SEMA6D: variants seen among roughly 807,000 people sequenced by gnomAD.
SEMA6D encodes the protein semaphorin-6D.
A neutral mutation model predicts 106.6 loss-of-function variants in SEMA6D; 35 were observed. The ratio of observed to expected loss-of-function variants is 0.33; its 90% CI spans 0.25 to 0.44. The LOEUF (loss-of-function observed/expected upper bound fraction) is 0.44. Among genes scored for constraint, SEMA6D ranks in the 20% least tolerant of loss-of-function variants. The probability of loss-of-function intolerance (pLI) is 1.00; values close to 1 mark genes in which losing one functional copy is unlikely to be tolerated. For missense variants in SEMA6D, 1,185 were observed against 1,345.9 expected (o/e 0.88, Z 1.87); for synonymous variants, 499 against 487.7 (o/e 1.02, Z -0.31).
chr15:47,309,752 G>A lies in SEMA6D; in HGVS notation c.-238-102641G>A, dbSNP rs188380724. On this transcript the variant is annotated intron_variant, in intron 1 of 19. Transcript: ENST00000558014. Reference sequence around the variant, plus strand: ...CAGAACACTTATATTAGCCTACAGCGGGCAAACTCATCTAACACAAAGTCT... The same window carrying A: ...CAGAACACTTATATTAGCCTACAGCAGGCAAACTCATCTAACACAAAGTCT... 7.9e-5 allele frequency among the ~76,000 whole-genome samples: 12 copies of A among 152,172 alleles called. No individual in the cohort carries two copies. The East Asian group carries it at 2.1e-3, about 27-fold the overall frequency.
chr15:47,455,080 A>C (rs1038418580), intron 2 of SEMA6D, among the ~76,000 whole-genome samples: 1 of 151,750 alleles, frequency 6.6e-6, no homozygotes, highest in Non-Finnish European at 1.5e-5. Context: ...GTTAGCTATT[A>C]TTATTATTAT....
intron 1 of SEMA6D, among the ~76,000 whole-genome samples, chr15:47,189,141 A>G (rs1893778306): frequency 6.6e-6 from 1 of 152,062 alleles, no homozygotes; most frequent in Non-Finnish European, 1.5e-5. Context: ...AAACTCCCAT[A>G]CACTTCTCTT....
chr15:47,407,847 G>T (rs551057598), intron 1 of SEMA6D, among the ~76,000 whole-genome samples: 6 of 152,208 alleles, frequency 3.9e-5, no homozygotes, highest in Non-Finnish European at 8.8e-5. Flanking sequence ...GCTTGCAGAT[G>T]CTGCTGTCAG....
chr15:47,592,453 G>C (rs1386394597), intron 3 of SEMA6D, among the ~76,000 whole-genome samples: 2 of 152,154 alleles, frequency 1.3e-5, no homozygotes, highest in Non-Finnish European at 2.9e-5. Context: ...ATTTTGCTGT[G>C]ATTGATTGGC....
chr15:47,618,369 G>T (rs1349467753), intron 4 of SEMA6D, among the ~76,000 whole-genome samples: 1 of 152,230 alleles, frequency 6.6e-6, no homozygotes, highest in Non-Finnish European at 1.5e-5. Flanking sequence ...GCCCTGGAAA[G>T]CAAAGGAGGC....
intron 3 of SEMA6D, among the ~76,000 whole-genome samples, chr15:47,492,513 A>C (rs542804462): frequency 1.3e-5 from 2 of 152,306 alleles, no homozygotes; most frequent in Admixed American, 1.3e-4. Context: ...TATTTATTAC[A>C]CAGCACTGCC....
chr15:47,203,135 A>G (rs1236050142), intron 1 of SEMA6D, among the ~76,000 whole-genome samples: 1 of 152,088 alleles, frequency 6.6e-6, no homozygotes, highest in African/African-American at 2.4e-5. Context: ...ACCTTTCACT[A>G]TTAAAAGTTT....
At chr15:47,721,784 A>G (rs1425277117) in intron 1 of SEMA6D, among the ~76,000 whole-genome samples, 1 of 152,144 alleles carries the variant, frequency 6.6e-6, no homozygotes, top group Non-Finnish European at 1.5e-5. Context: ...TTCCTTTTCT[A>G]TTAAGCTTTT....
At chr15:47,347,753 CAA>C (rs1017472530) in intron 1 of SEMA6D, among the ~76,000 whole-genome samples, 7 of 152,130 alleles carry the variant, frequency 4.6e-5, no homozygotes, top group African/African-American at 1.7e-4. Flanking sequence ...CATTGGAAAA[CAA>C]GTGGTCCCAG....
At chr15:47,730,127 T>G in intron 1 of SEMA6D, 3 of 1,062,668 alleles carry the variant, frequency 2.8e-6, no homozygotes, top group Non-Finnish European at 4.3e-6. Context: ...TACAGAAAAC[T>G]CAACAGTGTA....
At chr15:47,467,764 C>T (rs281321) in intron 2 of SEMA6D, among the ~76,000 whole-genome samples, 7,366 of 151,910 alleles carry the variant, frequency 0.048, 617 homozygotes, top group African/African-American at 0.17. Context: ...TTATCACTGT[C>T]GTAATTATTT....
intron 3 of SEMA6D, among the ~76,000 whole-genome samples, chr15:47,538,963 A>T (rs1040737569): frequency 6.6e-6 from 1 of 152,210 alleles, no homozygotes; most frequent in African/African-American, 2.4e-5. Context: ...CTTAGAGCTC[A>T]TGGGATAAGA....
rs1001733193 is a variant in SEMA6D, at chr15:47,249,262, C to G, written c.-239+64844C>G. ...CAAACAAACAAATAAACAAACAAAA[C>G]CAGTGGACTAGCTGTGCTCTAGGAC... On this transcript the variant is annotated intron_variant, in intron 1 of 19. Transcript: ENST00000558014. 2.6e-5 allele frequency among the ~76,000 whole-genome samples: 4 copies of G among 151,902 alleles called. No homozygotes were observed. In the East Asian group the frequency reaches 5.8e-4, roughly 22 times the overall value.
intron 3 of SEMA6D, among the ~76,000 whole-genome samples, chr15:47,540,471 C>T (rs1445777110): frequency 1.3e-5 from 2 of 151,932 alleles, no homozygotes; most frequent in Non-Finnish European, 2.9e-5. Context: ...TTTATTCAGT[C>T]ATAAATTGAG....
intron 1 of SEMA6D, among the ~76,000 whole-genome samples, chr15:47,263,110 G>A (rs966208934): frequency 4.6e-5 from 7 of 152,012 alleles, no homozygotes; most frequent in Non-Finnish European, 1.0e-4. Flanking sequence ...GATAACCTAG[G>A]CAATACCATT....
chr15:47,660,305 T>C (rs2077891431), intron 4 of SEMA6D, among the ~76,000 whole-genome samples: 1 of 152,132 alleles, frequency 6.6e-6, no homozygotes, highest in South Asian at 2.1e-4. Flanking sequence ...CTGGGAATAA[T>C]CTAAATGTGT....
Position 47,470,938 on chromosome 15 carries a change from A to G in SEMA6D, c.-87+393A>G, listed in dbSNP as rs186623814. 2.7e-3 allele frequency among the ~76,000 whole-genome samples: 411 copies of G among 152,304 alleles called. 1 individual carries two copies. Among genetic ancestry groups the G allele is most frequent in the African/African-American group, 6.9e-3 (287 of 41,574 alleles). The stretch of plus-strand genomic sequence containing the variant: ...GTGGGGTGTTCCCAAATTTTATTCA[A>G]TGTAAAGTGTGTTCTTTTCATAACC... On this transcript the variant is annotated intron_variant, in intron 3 of 19. Transcript: ENST00000558014.
intron 1 of SEMA6D, among the ~76,000 whole-genome samples, chr15:47,325,870 T>C (rs1251504219): frequency 1.3e-5 from 2 of 152,156 alleles, no homozygotes; most frequent in African/African-American, 4.8e-5. Flanking sequence ...TAAATGCTCA[T>C]AAGAGATATA....
At chr15:47,272,255 TTAC>T (rs1323166516) in intron 1 of SEMA6D, among the ~76,000 whole-genome samples, 1 of 152,208 alleles carries the variant, frequency 6.6e-6, no homozygotes, top group Non-Finnish European at 1.5e-5. Context: ...CCAAGGCAAC[TTAC>T]TACTAAGTAC....
Sources: allele counts gnomAD v4.1 joint callset (sites outside exome capture counted in the v4.1 genomes callset), GRCh38; gene constraint gnomAD v4.1.1; transcripts MANE v1.5; gene names NCBI Gene and HGNC (gene_info 2026-07-23, HGNC 2026-07-21).